The following TMEM232 variants were observed in gnomAD, a reference collection of about 807,000 sequenced individuals.
TMEM232 encodes the protein transmembrane protein 232.
TMEM232 carries 80 observed loss-of-function variants against 78.8 expected under a neutral mutation model. The ratio of observed to expected loss-of-function variants is 1.01; its 90% CI spans 0.85 to 1.22. The LOEUF (loss-of-function observed/expected upper bound fraction) is 1.22. Ranked by LOEUF, TMEM232 falls within the 50% of genes most tolerant of loss-of-function variation. The pLI, the probability that TMEM232 is intolerant of heterozygous loss-of-function variation, is 0.00. For missense variants in TMEM232, 881 were observed against 742.2 expected, an observed-to-expected ratio of 1.19 and a Z score of -2.17; for synonymous variants, 297 against 254.3, an observed-to-expected ratio of 1.17 and a Z score of -1.60.
At chr5:110,411,390 C>T (rs1211153317) in intron 2 of TMEM232, among the ~76,000 whole-genome samples, 1 of 152,062 alleles carries the variant, frequency 6.6e-6, no homozygotes, top group Non-Finnish European at 1.5e-5. Flanking sequence ...TATTTCCTTT[C>T]TTTCTCCTTT....
At chr5:110,556,359 C>CCTTT (rs749422538) in intron 11 of TMEM232, among the ~76,000 whole-genome samples, 61 of 136,366 alleles carry the variant, frequency 4.5e-4, no homozygotes, top group African/African-American at 1.7e-3. Flanking sequence ...CCTTCCCTTC[C>CCTTT]CCTTCCTTCC....
rs1298068233 is a variant in TMEM232 at position 110,568,605 on chromosome 5, C to T, written c.1297G>A (p.Gly433Ser). The T allele has an allele frequency of 5.2e-6, 8 of 1,547,300 alleles. No individual in the cohort carries two copies. Among genetic ancestry groups the T allele is most frequent in the Non-Finnish European group, 6.1e-6 (7 of 1,145,286 alleles). Residue 433 changes from glycine to serine, a missense_variant, in exon 11 of 14, where the codon GGT becomes AGT. By Grantham distance (56) the Gly-to-Ser change is moderately conservative. Coordinates refer to ENST00000455884, the MANE Select transcript of TMEM232 (RefSeq NM_001039763.4). The part of the protein sequence containing the change: ...SENCDQVVWT[G>S]YYGLVYNLVK... The stretch of plus-strand genomic sequence containing the variant: ...AGGTTATACACTAAGCCATAGTAAC[C>T]AGTCCAGACTACTTGATCACCTGTT...
chr5:110,610,890 C>T (rs1782191455), intron 8 of TMEM232, among the ~76,000 whole-genome samples: 1 of 151,980 alleles, frequency 6.6e-6, no homozygotes, highest in African/African-American at 2.4e-5. Flanking sequence ...AGCCAAGGTT[C>T]GTATATAATC....
intron 12 of TMEM232, among the ~76,000 whole-genome samples, chr5:110,445,023 T>G (rs949957587): frequency 2.6e-5 from 4 of 152,032 alleles, no homozygotes; most frequent in Non-Finnish European, 5.9e-5. Flanking sequence ...AGGAACTCTT[T>G]CTTTCTTATT....
chr5:110,644,327 G>A (rs374800308), intron 2 of TMEM232, among the ~76,000 whole-genome samples: 4 of 151,812 alleles, frequency 2.6e-5, no homozygotes, highest in African/African-American at 9.6e-5. Flanking sequence ...TGAAGAGTTT[G>A]GAAGTTAAAA....
At chr5:110,671,240 C>T (rs1791313408) in intron 1 of TMEM232, among the ~76,000 whole-genome samples, 1 of 152,152 alleles carries the variant, frequency 6.6e-6, no homozygotes, top group African/African-American at 2.4e-5. Context: ...ATTAAAAAGT[C>T]TGGAAACAAC....
intron 12 of TMEM232, among the ~76,000 whole-genome samples, chr5:110,507,657 C>A (rs1353321428): frequency 6.6e-6 from 1 of 152,156 alleles, no homozygotes; most frequent in Non-Finnish European, 1.5e-5. Context: ...AGAAATAGTT[C>A]CATCATGGAA....
intron 6 of TMEM232, among the ~76,000 whole-genome samples, chr5:110,627,203 T>A (rs889316738): frequency 6.6e-6 from 1 of 152,108 alleles, no homozygotes; most frequent in African/African-American, 2.4e-5. Context: ...TTCTCACTCT[T>A]CTTTACATAT....
At chr5:110,487,824 A>G (rs940802959) in intron 12 of TMEM232, among the ~76,000 whole-genome samples, 2 of 151,978 alleles carry the variant, frequency 1.3e-5, no homozygotes, top group Non-Finnish European at 2.9e-5. Flanking sequence ...CATAGAATGA[A>G]TTAGGGAGGG....
intron 2 of TMEM232, among the ~76,000 whole-genome samples, chr5:110,663,884 A>T (rs1261688832): frequency 6.6e-6 from 1 of 152,082 alleles, no homozygotes; most frequent in Admixed American, 6.6e-5. Flanking sequence ...CACATCTATA[A>T]CCCCAGAATT....
At chr5:110,656,901 G>T (rs1789153111) in intron 2 of TMEM232, among the ~76,000 whole-genome samples, 1 of 151,662 alleles carries the variant, frequency 6.6e-6, no homozygotes, top group Non-Finnish European at 1.5e-5. Flanking sequence ...AGTCAGTGGA[G>T]ATATTTTTAA....
At chr5:110,683,935 T>G (rs550460062) in intron 1 of TMEM232, among the ~76,000 whole-genome samples, 2 of 152,044 alleles carry the variant, frequency 1.3e-5, no homozygotes. Context: ...ATTGGTGTAT[T>G]GATGTACTTA....
intron 1 of TMEM232, among the ~76,000 whole-genome samples, chr5:110,673,360 G>A (rs1221894271): frequency 2.6e-5 from 4 of 151,694 alleles, no homozygotes; most frequent in Non-Finnish European, 5.9e-5. Flanking sequence ...GTTAAATGAC[G>A]AGTTAATGGG....
At chr5:110,576,429 G>A (rs1309611355) in intron 10 of TMEM232, among the ~76,000 whole-genome samples, 1 of 152,042 alleles carries the variant, frequency 6.6e-6, no homozygotes, top group Non-Finnish European at 1.5e-5. Flanking sequence ...TAGATAAGAA[G>A]AATCAATATT....
At chr5:110,627,995 A>C in intron 5 of TMEM232, 115 bp from the exon 6 acceptor site, 1 of 751,168 alleles carries the variant, frequency 1.3e-6, no homozygotes, top group East Asian at 2.8e-5. Flanking sequence ...ACAATTTTAA[A>C]CTCACTCAAT....
In TMEM232 at chr5:110,520,880, T is replaced by C. The variant is rs1446187204; in HGVS notation, c.1703+7708A>G. ...TTGTGGTAAGCCAAGATCGCACCAT[T>C]GCACTACAGCCTGGGTAATAAGTGC... On this transcript the variant is annotated intron_variant, in intron 12 of 13. Transcript: ENST00000455884. Among the ~76,000 whole-genome samples the C allele has an allele frequency of 2.6e-5, 4 of 152,142 alleles. No homozygotes were observed. In the East Asian group the frequency reaches 7.7e-4, roughly 29 times the overall value.
In TMEM232 at chr5:110,562,939, T is replaced by C. The variant is rs192620499; in HGVS notation, c.1455+5508A>G. On this transcript the variant is annotated intron_variant, in intron 11 of 13. Coordinates refer to ENST00000455884, the MANE Select transcript of TMEM232 (RefSeq NM_001039763.4). ...TTAATAATCCAAATGTCTCTATCTC[T>C]AGCTAACTTTTAAATAAAATAGATA... is the stretch of plus-strand genomic sequence containing the variant. 8.3e-4 allele frequency among the ~76,000 whole-genome samples: 126 copies of C among 152,150 alleles called. 1 individual carries two copies. The highest frequency in any genetic ancestry group is 2.9e-3 in the African/African-American group (122 of 41,570).
intron 1 of TMEM232, among the ~76,000 whole-genome samples, chr5:110,719,691 C>A (rs1797390627): frequency 6.6e-6 from 1 of 151,920 alleles, no homozygotes; most frequent in African/African-American, 2.4e-5. Flanking sequence ...TATATTTGTT[C>A]CACTCTGTGA....
At chr5:110,482,531 A>T (rs963870966) in intron 12 of TMEM232, among the ~76,000 whole-genome samples, 1 of 150,082 alleles carries the variant, frequency 6.7e-6, no homozygotes, top group South Asian at 2.1e-4. Context: ...CAGTGAGCCG[A>T]GATTGCGGCA....
Sources: allele counts gnomAD v4.1 joint callset (sites outside exome capture counted in the v4.1 genomes callset), GRCh38; gene constraint gnomAD v4.1.1; transcripts MANE v1.5; gene names NCBI Gene and HGNC (gene_info 2026-07-23, HGNC 2026-07-21).